The following MYO1C variants were observed in gnomAD, a reference collection of about 807,000 sequenced individuals.
MYO1C encodes the protein myosin IC, also known as unconventional myosin-Ic.
In MYO1C, 104 loss-of-function variants were observed where a neutral mutation model predicts 150.8. The observed-to-expected ratio is 0.69, with a 90% CI of 0.59 to 0.81. MYO1C has a LOEUF of 0.81. Among genes scored for constraint, MYO1C ranks in the 30% least tolerant of loss-of-function variants. The pLI is 0.00. For missense variants in MYO1C, 1,504 were observed against 1,435.0 expected (o/e 1.05, Z -0.78); for synonymous variants, 663 against 579.9 (o/e 1.14, Z -2.06).
chr17:1,482,613 A>AC, intron 4 of MYO1C, 55 bp from the exon 5 acceptor site: 8 of 890,352 alleles, frequency 9.0e-6, no homozygotes, highest in South Asian at 5.7e-5. Context: ...TGCCCTCCCC[A>AC]CCCCGCCTTG....
chr17:1,468,487 T>C lies in MYO1C; in HGVS notation c.2620A>G (p.Lys874Glu). Residue 874 changes from lysine to glutamate, a missense_variant, in exon 26 of 32, where the codon AAG becomes GAG. Lys to Glu is a moderately conservative substitution (Grantham distance 56). Transcript: ENST00000648651. ...SPEWKQQLQQKAVASEIFKGK... is the reference protein window; with the variant it reads ...SPEWKQQLQQEAVASEIFKGK... ...TTGAAGATCTCACTAGCCACGGCCT[T>C]CTGCTGCAGCTGAGGAGACAAGGGG... 1 of 1,613,288 alleles carries C rather than the reference T, an allele frequency of 6.2e-7. No homozygotes were observed. The highest frequency in any genetic ancestry group is 8.5e-7 in the Non-Finnish European group (1 of 1,179,584).
At chr17:1,476,163 G>A (rs1032027529) in intron 14 of MYO1C, among the ~76,000 whole-genome samples, 4 of 151,988 alleles carry the variant, frequency 2.6e-5, no homozygotes, top group Non-Finnish European at 4.4e-5. Flanking sequence ...TAGATTCAGA[G>A]AGACTCCTAG....
intron 1 of MYO1C, chr17:1,484,807 T>A (rs962460701): frequency 7.7e-6 from 3 of 391,338 alleles, no homozygotes; most frequent in Non-Finnish European, 1.5e-5. Flanking sequence ...CTGAGCCACG[T>A]GTGACAGGTG....
At chr17:1,485,775 T>TGGCGGC (rs934285562) in intron 1 of MYO1C, 42 of 1,001,526 alleles carry the variant, frequency 4.2e-5, no homozygotes, top group Middle Eastern at 4.7e-4. Context: ...TCGGCGGCGG[T>TGGCGGC]GGCGGCGGCG....
chr17:1,480,912 G>A (rs746331770), intron 5 of MYO1C, 27 bp from the exon 6 acceptor site: 34 of 1,611,576 alleles, frequency 2.1e-5, no homozygotes, highest in South Asian at 4.4e-5. Flanking sequence ...GCATGAGGCC[G>A]GGTCACGGGG....
chr17:1,476,231 T>A (rs925037563), intron 14 of MYO1C, among the ~76,000 whole-genome samples: 1 of 150,896 alleles, frequency 6.6e-6, no homozygotes, highest in Non-Finnish European at 1.5e-5. Flanking sequence ...CAGGCTGGAG[T>A]GCAGTGGCAC....
intron 25 of MYO1C, chr17:1,469,087 C>T: frequency 3.2e-6 from 1 of 310,372 alleles, no homozygotes; most frequent in Non-Finnish European, 6.3e-6. Flanking sequence ...CAACTGAGGT[C>T]ACCGGTAGAC....
chr17:1,472,285 C>T, intron 17 of MYO1C, 57 bp from the exon 18 acceptor site: 1 of 1,487,392 alleles, frequency 6.7e-7, no homozygotes, highest in Non-Finnish European at 9.4e-7. Flanking sequence ...CTGCTGACCC[C>T]AGCAGCGAGT....
chr17:1,476,056 A>G (rs2074397848), intron 14 of MYO1C, among the ~76,000 whole-genome samples: 1 of 152,228 alleles, frequency 6.6e-6, no homozygotes, highest in Admixed American at 6.5e-5. Flanking sequence ...TTTTGCGCAC[A>G]TTCCAACTTT....
At chr17:1,492,277 A>T in intron 1 of MYO1C, 136 bp downstream of exon 1, 1 of 834,130 alleles carries the variant, frequency 1.2e-6, no homozygotes, top group Non-Finnish European at 2.0e-6. Flanking sequence ...CGTCTTGTTC[A>T]GTCTGTTCTG....
Position 1,479,730 on chromosome 17 carries a change from A to C in MYO1C, c.907-25T>G. The C allele has an allele frequency of 6.5e-7, 1 of 1,544,686 alleles. No individual in the cohort carries two copies. Among genetic ancestry groups the C allele is most frequent in the Non-Finnish European group, 8.9e-7 (1 of 1,129,170 alleles). ...CCTGGGGGAGCAGGCCGGGGGCAGGAGGGGGTGAGAGGGGCCAGAGAGCCC... is the reference window on the plus strand; with the variant it reads ...CCTGGGGGAGCAGGCCGGGGGCAGGCGGGGGTGAGAGGGGCCAGAGAGCCC... On this transcript the variant is annotated intron_variant, in intron 7 of 31. Coordinates refer to ENST00000648651, the MANE Select transcript of MYO1C (RefSeq NM_001080779.2). This position sits in a 1 kb window ranked among gnomAD's most constrained non-coding sequence, Gnocchi z 4.2.
rs1413936340 is a variant in MYO1C at position 1,492,600 on chromosome 17, G to A, written c.-113C>T. 1.0e-6 allele frequency: 1 copy of A among 978,036 alleles called. No homozygotes were observed. Among genetic ancestry groups the A allele is most frequent in the Admixed American group, 2.0e-5 (1 of 50,082 alleles). The allele number at this position is 978,036 out of a possible 1,614,324, so 60.6% of individuals were successfully genotyped here. A position where few individuals can be genotyped will look rare whatever the true frequency, so the allele number is the denominator to read the frequency against. On this transcript the variant is annotated 5_prime_UTR_variant, in exon 1 of 32. Coordinates refer to ENST00000648651, the MANE Select transcript of MYO1C (RefSeq NM_001080779.2). The stretch of plus-strand genomic sequence containing the variant: ...CCAGGAACCTACGGTCTAACGCCGG[G>A]ATGGCCACTTGGTTCTGCTTCAACT...
rs1489156747 is a variant in MYO1C, at chr17:1,472,469, C to T, written c.1798-241G>A. 8 of 547,688 alleles carry T rather than the reference C, an allele frequency of 1.5e-5. No individual in the cohort carries two copies. The East Asian group carries it at 2.2e-4, about 15-fold the overall frequency. 33.9% of individuals were successfully genotyped at this position (547,688 alleles called of 1,614,324 possible). A position where few individuals can be genotyped will look rare whatever the true frequency, so the allele number is the denominator to read the frequency against. ...CTCACTCCAGCCTAAAACTCCTGCT[C>T]AGGTCTCCCAGCAACCTCAGTGCTA... On this transcript the variant is annotated intron_variant, in intron 17 of 31. Coordinates refer to ENST00000648651, the MANE Select transcript of MYO1C (RefSeq NM_001080779.2).
Position 1,474,576 on chromosome 17 carries a change from TGCACCCCTGCGCCC to T in MYO1C, c.1797+20_1797+33del, listed in dbSNP as rs1404286264. On this transcript the variant is annotated intron_variant, in intron 17 of 31. Transcript: ENST00000648651. ...AGGCCCTCATGCACACTCAGGCGCA[TGCACCCCTGCGCCC>T]GGTCCCGCCACCTCCTCACCGTCTC... 1.9e-6 allele frequency: 3 copies of T among 1,599,700 alleles called. No homozygotes were observed. Among genetic ancestry groups the T allele is most frequent in the East Asian group, 4.5e-5 (2 of 44,828 alleles).
chr17:1,482,975 T>G lies in MYO1C; in HGVS notation c.432A>C (p.Ala144=). The part of the protein sequence containing the change: ...QAVMISGESG[A]GKTEATKRLL... ...GCCTCTTGGTGGCCTCGGTCTTGCC[T>G]GCCCCGCTCTCCCCAGAGATCATCA... The change falls in exon 4 of 32, where the codon GCA becomes GCC. Residue 144 remains alanine (A), a synonymous_variant. Transcript: ENST00000648651. 3 of 1,612,604 alleles carry G rather than the reference T, an allele frequency of 1.9e-6. No individual in the cohort carries two copies. Among genetic ancestry groups the G allele is most frequent in the Non-Finnish European group, 2.5e-6 (3 of 1,179,906 alleles).
At chr17:1,483,093 G>A (rs2150961152) in intron 3 of MYO1C, 34 bp from the exon 4 acceptor site, 1 of 1,557,820 alleles carries the variant, frequency 6.4e-7, no homozygotes. Flanking sequence ...GTTTGGGGAG[G>A]GGGGCCAAGC....
chr17:1,472,423 G>A (rs2074323738), intron 17 of MYO1C, 195 bp from the exon 18 acceptor site: 2 of 597,224 alleles, frequency 3.3e-6, no homozygotes, highest in African/African-American at 1.9e-5. Context: ...CTGGCTGGGC[G>A]AGAGACCTCA....
At chr17:1,480,999 C>CCAGG in intron 5 of MYO1C, 114 bp from the exon 6 acceptor site, 2 of 1,170,334 alleles carry the variant, frequency 1.7e-6, no homozygotes, top group Non-Finnish European at 2.4e-6. Context: ...ATGCCAATTC[C>CCAGG]AGCCCTGCCA....
chr17:1,485,702 G>T (rs1397258824), intron 1 of MYO1C: 1 of 1,198,154 alleles, frequency 8.3e-7, no homozygotes, highest in Admixed American at 4.2e-5. Flanking sequence ...ACCGACGCCC[G>T]GTAGCGCATC....
Sources: gnomAD v4.1 joint callset for allele counts (sites outside exome capture counted in the v4.1 genomes callset) on GRCh38, gnomAD v4.1.1 for gene constraint, Gnocchi (gnomAD v3.1) non-coding constraint, MANE v1.5 for transcripts, NCBI Gene and HGNC (gene_info 2026-07-23, HGNC 2026-07-21) for gene names.